Variants in EPB41 observed in about 807,000 individuals in gnomAD.
The protein encoded by EPB41 is erythrocyte membrane protein band 4.1, also known as protein 4.1.
Under a neutral mutation model 108.0 loss-of-function variants are expected in EPB41, and 65 were observed. The ratio of observed to expected loss-of-function variants is 0.60; its 90% confidence interval spans 0.49 to 0.74. EPB41 has a LOEUF of 0.74. EPB41 is among the 30% of genes least tolerant of loss of function. The probability of loss-of-function intolerance (pLI) is 0.00; values close to 1 mark genes in which losing one functional copy is unlikely to be tolerated. For synonymous variants in EPB41, 336 were observed against 358.9 expected, an observed-to-expected ratio of 0.94 and a Z score of 0.72; for missense variants, 875 against 1,037.0, an observed-to-expected ratio of 0.84 and a Z score of 2.15.
chr1:29,104,732 G>A (rs1666568595), intron 17 of EPB41, among the ~76,000 whole-genome samples: 1 of 151,826 alleles, frequency 6.6e-6, no homozygotes, highest in Non-Finnish European at 1.5e-5. Context: ...TACAGGTGCG[G>A]GCCACCATGC....
At chr1:28,915,406 G>T (rs1440291816) in intron 1 of EPB41, among the ~76,000 whole-genome samples, 1 of 151,984 alleles carries the variant, frequency 6.6e-6, no homozygotes, top group African/African-American at 2.4e-5. Flanking sequence ...CTTCCTCCGT[G>T]CTCGCTGGGC....
In EPB41 at chr1:29,049,714, A is replaced by G. The variant is rs76937579; in HGVS notation, c.1637-3390A>G. Among the ~76,000 whole-genome samples the G allele has an allele frequency of 5.2e-3, 799 of 152,316 alleles. 7 individuals carry two copies. The highest frequency in any genetic ancestry group is 8.8e-3 in the Non-Finnish European group (597 of 68,030). Reference sequence around the variant, plus strand: ...ATTTTATTCTTTACTGCTGTAGTATATAACTATCTAAGTTTCTGTTGTCAG... The same window carrying G: ...ATTTTATTCTTTACTGCTGTAGTATGTAACTATCTAAGTTTCTGTTGTCAG... On this transcript the variant is annotated intron_variant, in intron 11 of 20. Transcript: ENST00000343067.
chr1:28,903,484 C>A (rs1286427908), intron 1 of EPB41, among the ~76,000 whole-genome samples: 1 of 151,670 alleles, frequency 6.6e-6, no homozygotes, highest in Non-Finnish European at 1.5e-5. Flanking sequence ...ACTGCCACAC[C>A]CGGCTAATTT....
intron 5 of EPB41, 112 bp from the exon 6 acceptor site, chr1:29,015,580 A>G (rs1469657880): frequency 4.1e-6 from 3 of 728,190 alleles, no homozygotes; most frequent in Non-Finnish European, 6.8e-6. Context: ...GTCTCAAAGA[A>G]AAAAAAAAAA....
chr1:29,097,799 C>T lies in EPB41; in HGVS notation c.2185-8C>T. On this transcript the variant is annotated splice_polypyrimidine_tract_variant and splice_region_variant and intron_variant, in intron 16 of 20. Coordinates refer to ENST00000343067, the MANE Select transcript of EPB41 (RefSeq NM_001376013.1). Reference sequence around the variant, plus strand: ...TACTCTAGTAACTCTTTCCTTACTGCTTCACAGCCTCCCCTGGTGAAGACA... The same window carrying T: ...TACTCTAGTAACTCTTTCCTTACTGTTTCACAGCCTCCCCTGGTGAAGACA... 6.2e-7 allele frequency: 1 copy of T among 1,613,896 alleles called. No individual in the cohort carries two copies. Among genetic ancestry groups the T allele is most frequent in the Non-Finnish European group, 8.5e-7 (1 of 1,179,794 alleles).
chr1:29,088,045 C>CTTTTTTTTTTTTTTTTTTTTTT (rs750809586), intron 16 of EPB41, among the ~76,000 whole-genome samples: 4 of 131,574 alleles, frequency 3.0e-5, no homozygotes, highest in Non-Finnish European at 5.0e-5. Context: ...TTCTTTTTTT[C>CTTTTTTTTTTTTTTTTTTTTTT]TTTTTTTCTT....
intron 4 of EPB41, among the ~76,000 whole-genome samples, chr1:29,008,238 A>G (rs918453643): frequency 3.3e-5 from 5 of 152,122 alleles, no homozygotes; most frequent in African/African-American, 1.2e-4. Flanking sequence ...CTTCCCCTAC[A>G]TCCCATTTAC....
chr1:28,935,467 A>ACACACACACACACACACACACACC (rs1294457517), intron 1 of EPB41, among the ~76,000 whole-genome samples: 1 of 64,218 alleles, frequency 1.6e-5, no homozygotes. Context: ...ACACACACAC[A>ACACACACACACACACACACACACC]CCCCCCCCCC....
intron 1 of EPB41, among the ~76,000 whole-genome samples, chr1:28,925,581 C>A (rs1369035495): frequency 6.6e-6 from 1 of 152,024 alleles, no homozygotes; most frequent in Non-Finnish European, 1.5e-5. Flanking sequence ...GACATTGGAG[C>A]AGAGTCCTAA....
intron 1 of EPB41, among the ~76,000 whole-genome samples, chr1:28,952,245 C>T (rs1309321855): frequency 6.7e-6 from 1 of 149,874 alleles, no homozygotes; most frequent in African/African-American, 2.5e-5. Context: ...GTGGTTCGTG[C>T]GGCCGGGCAC....
intron 4 of EPB41, among the ~76,000 whole-genome samples, chr1:29,001,550 T>G (rs543576245): frequency 6.6e-6 from 1 of 152,320 alleles, no homozygotes; most frequent in Admixed American, 6.5e-5. Context: ...ATGTAATCGT[T>G]TTTGAGACAT....
At chr1:29,059,260 TATACAC>T (rs1175995763) in intron 14 of EPB41, among the ~76,000 whole-genome samples, 1 of 151,882 alleles carries the variant, frequency 6.6e-6, no homozygotes, top group Non-Finnish European at 1.5e-5. Context: ...GGGTGACAGA[TATACAC>T]ATATATTTAC....
chr1:29,030,339 T>C (rs1307861391), intron 7 of EPB41, 61 bp from the exon 8 acceptor site: 1 of 1,242,124 alleles, frequency 8.1e-7, no homozygotes, highest in Non-Finnish European at 1.2e-6. Flanking sequence ...AATATATAAA[T>C]GTTACTGTAA....
rs1671610286 is a variant in EPB41 at position 29,119,829 on chromosome 1, A to T, written c.*3017A>T. On this transcript the variant is annotated 3_prime_UTR_variant, in exon 21 of 21. Transcript: ENST00000343067. ...TGAAGGAGCTTTGTAAATTTTTTTT[A>T]AAATTATGAATCATATCAAGTAGTT... The T allele has an allele frequency of 6.6e-6, 1 of 152,582 alleles. No homozygotes were observed. The highest frequency in any genetic ancestry group is 2.4e-5 in the African/African-American group (1 of 41,434). The allele number at this position is 152,582 out of a possible 1,614,324, so 9.5% of individuals were successfully genotyped here. A position where few individuals can be genotyped will look rare whatever the true frequency, so the allele number is the denominator to read the frequency against.
At chr1:28,929,843 CT>C (rs56337991) in intron 1 of EPB41, among the ~76,000 whole-genome samples, 13,607 of 101,714 alleles carry the variant, frequency 0.13, 766 homozygotes, top group East Asian at 0.38. Flanking sequence ...ACTGGGCCTT[CT>C]TTTTTTTTTT....
Position 29,036,572 on chromosome 1 carries a change from T to TTTTTTG in EPB41, c.1463+656_1463+661dup, listed in dbSNP as rs1244180444. Among the ~76,000 whole-genome samples, 3 of 152,092 alleles carry TTTTTTG rather than the reference T, an allele frequency of 2.0e-5. No individual in the cohort carries two copies. In the East Asian group the frequency reaches 5.8e-4, roughly 30 times the overall value. On this transcript the variant is annotated intron_variant, in intron 10 of 20. Coordinates refer to ENST00000343067, the MANE Select transcript of EPB41 (RefSeq NM_001376013.1). ...CACTGTGCCCGGACGGAATTTTTATTTTTTTGTTTTTGCTAATTTTTTTTT... is the reference window on the plus strand; with the variant it reads ...CACTGTGCCCGGACGGAATTTTTATTTTTTTGTTTTTGTTTTTGCTAATTTTTTTTT...
intron 1 of EPB41, among the ~76,000 whole-genome samples, chr1:28,947,502 A>T (rs1007290058): frequency 6.6e-6 from 1 of 151,938 alleles, no homozygotes; most frequent in Non-Finnish European, 1.5e-5. Context: ...AGATGCAACC[A>T]GGGAAGTCTA....
intron 1 of EPB41, among the ~76,000 whole-genome samples, chr1:28,919,861 T>G (rs988739162): frequency 6.6e-6 from 1 of 152,200 alleles, no homozygotes; most frequent in African/African-American, 2.4e-5. Flanking sequence ...TTAAGAGCAG[T>G]TCTCTTTTTT....
intron 5 of EPB41, among the ~76,000 whole-genome samples, chr1:29,013,068 T>TA (rs1013406635): frequency 7.9e-5 from 12 of 151,466 alleles, no homozygotes; most frequent in Non-Finnish European, 1.3e-4. Flanking sequence ...CCTGGGTATT[T>TA]AAAAAAAAAT....
Sources: gnomAD v4.1 joint callset for allele counts (sites outside exome capture counted in the v4.1 genomes callset) on GRCh38, gnomAD v4.1.1 for gene constraint, MANE v1.5 for transcripts, NCBI Gene and HGNC (gene_info 2026-07-23, HGNC 2026-07-21) for gene names.